Variants in SMARCAD1 observed in about 807,000 individuals in gnomAD.
SMARCAD1 encodes SWI/SNF-related matrix-associated actin-dependent regulator of chromatin subfamily A containing DEAD/H box 1.
Under a neutral mutation model 127.1 loss-of-function variants are expected in SMARCAD1, and 25 were observed. The ratio of observed to expected loss-of-function variants is 0.20; its 90% confidence interval spans 0.14 to 0.27. The LOEUF is 0.27. Ranked by LOEUF, SMARCAD1 falls within the 10% of genes least tolerant of loss-of-function variation. The pLI is 1.00. For missense variants in SMARCAD1, 807 were observed against 1,206.0 expected, an observed-to-expected ratio of 0.67 and a Z score of 4.90; for synonymous variants, 400 against 396.9, an observed-to-expected ratio of 1.01 and a Z score of -0.09.
chr4:94,248,579 A>G (rs1748815214), intron 6 of SMARCAD1: 2 of 455,308 alleles, frequency 4.4e-6, no homozygotes, highest in African/African-American at 2.0e-5. Context: ...CCCCTGCTCA[A>G]AATCCTGTTG....
intron 9 of SMARCAD1, among the ~76,000 whole-genome samples, chr4:94,259,074 G>A (rs764810625): frequency 6.6e-6 from 1 of 152,110 alleles, no homozygotes; most frequent in Non-Finnish European, 1.5e-5. Flanking sequence ...AAGACTAACT[G>A]TTTTAGCCTC....
At chr4:94,232,437 G>A (rs971816754) in intron 3 of SMARCAD1, among the ~76,000 whole-genome samples, 22 of 152,118 alleles carry the variant, frequency 1.4e-4, no homozygotes, top group Non-Finnish European at 2.2e-4. Context: ...TAAGAGGCAA[G>A]GTCAAGTAGG....
intron 10 of SMARCAD1, among the ~76,000 whole-genome samples, chr4:94,268,320 ACT>A (rs563113247): frequency 1.6e-3 from 237 of 151,798 alleles, no homozygotes; most frequent in Non-Finnish European, 2.4e-3. Context: ...AGTTAAATAG[ACT>A]CTTTTCCCAA....
Position 94,273,711 on chromosome 4 carries a change from C to G in SMARCAD1, c.1667C>G (p.Thr556Ser). The change falls in exon 12 of 24, where the codon ACT (threonine) becomes AGT (serine). Residue 556 changes from threonine to serine, a missense_variant. Physicochemically the swap from Thr to Ser is moderately conservative, Grantham distance 58. Coordinates refer to ENST00000354268, the MANE Select transcript of SMARCAD1 (RefSeq NM_020159.5). The part of the protein sequence containing the change: ...GPHLIVVPAS[T>S]IDNWLREVNL... Reference sequence around the variant, plus strand: ...CATTTGATCGTTGTTCCAGCTTCAACTATAGGTTTGTAATACTGGAGACAA... The same window carrying G: ...CATTTGATCGTTGTTCCAGCTTCAAGTATAGGTTTGTAATACTGGAGACAA... 6.2e-7 allele frequency: 1 copy of G among 1,611,728 alleles called. No homozygotes were observed. Among genetic ancestry groups the G allele is most frequent in the Non-Finnish European group, 8.5e-7 (1 of 1,178,038 alleles).
Position 94,236,932 on chromosome 4 carries a change from A to G in SMARCAD1, c.538-20A>G, listed in dbSNP as rs1746752716. On this transcript the variant is annotated intron_variant, in intron 4 of 23. Coordinates refer to ENST00000354268, the MANE Select transcript of SMARCAD1 (RefSeq NM_020159.5). The stretch of plus-strand genomic sequence containing the variant: ...CTTAAAGTGCTGATTTAAAACATTA[A>G]TCTTTTCTCGTTCTGTTAGTTGATT... 1 of 1,597,430 alleles carries G rather than the reference A, an allele frequency of 6.3e-7. No homozygotes were observed. The highest frequency in any genetic ancestry group is 8.6e-7 in the Non-Finnish European group (1 of 1,165,684).
At chr4:94,249,316 C>T (rs1206565791) in intron 6 of SMARCAD1, among the ~76,000 whole-genome samples, 1 of 151,804 alleles carries the variant, frequency 6.6e-6, no homozygotes, top group East Asian at 1.9e-4. Flanking sequence ...TAAAATTTAC[C>T]GTTGTCTTGG....
chr4:94,233,880 C>T, intron 3 of SMARCAD1, 74 bp from the exon 4 acceptor site: 3 of 1,407,932 alleles, frequency 2.1e-6, no homozygotes, highest in South Asian at 2.4e-5. Context: ...ACTATGTATA[C>T]ACATAGACAC....
intron 11 of SMARCAD1, among the ~76,000 whole-genome samples, chr4:94,271,684 A>C (rs1251352420): frequency 6.6e-6 from 1 of 152,216 alleles, no homozygotes; most frequent in Non-Finnish European, 1.5e-5. Flanking sequence ...GGATTTCAAA[A>C]TACTTACAGA....
At chr4:94,235,606 C>G (rs1018823378) in intron 4 of SMARCAD1, among the ~76,000 whole-genome samples, 1 of 147,494 alleles carries the variant, frequency 6.8e-6, no homozygotes, top group African/African-American at 2.5e-5. Flanking sequence ...TCTACATTTT[C>G]TCTGACAGCA....
chr4:94,277,909 A>G (rs962342202), intron 16 of SMARCAD1, among the ~76,000 whole-genome samples: 1 of 151,984 alleles, frequency 6.6e-6, no homozygotes, highest in African/African-American at 2.4e-5. Flanking sequence ...TATATGGAGG[A>G]CTCCTTCACA....
chr4:94,229,221 T>G (rs540639798), intron 3 of SMARCAD1, among the ~76,000 whole-genome samples: 1 of 152,306 alleles, frequency 6.6e-6, no homozygotes, highest in East Asian at 1.9e-4. Context: ...CAGCTTTCAC[T>G]CAGTAGTTGT....
At chr4:94,214,451 T>C (rs1467715373) in intron 2 of SMARCAD1, among the ~76,000 whole-genome samples, 2 of 151,512 alleles carry the variant, frequency 1.3e-5, no homozygotes, top group Admixed American at 6.6e-5. Flanking sequence ...GTATTTTTAG[T>C]AGAGACCCGG....
intron 23 of SMARCAD1, among the ~76,000 whole-genome samples, chr4:94,287,630 A>C (rs1755130300): frequency 1.3e-5 from 2 of 152,186 alleles, no homozygotes; most frequent in South Asian, 4.1e-4. Flanking sequence ...GATGGCACCT[A>C]ATAATACTTG....
At chr4:94,289,357 C>CA (rs1307161437) in intron 23 of SMARCAD1, 116 bp from the exon 24 acceptor site, 1 of 905,654 alleles carries the variant, frequency 1.1e-6, no homozygotes, top group Non-Finnish European at 1.8e-6. Context: ...GACACTGAAG[C>CA]AAACTAGCCC....
chr4:94,225,658 A>C (rs1276344662), intron 2 of SMARCAD1, among the ~76,000 whole-genome samples: 1 of 152,226 alleles, frequency 6.6e-6, no homozygotes, highest in Non-Finnish European at 1.5e-5. Flanking sequence ...TGTGCCAATT[A>C]CTGAACTAAA....
chr4:94,253,172 G>A (rs1749535225), intron 9 of SMARCAD1, 165 bp downstream of exon 9: 2 of 1,511,294 alleles, frequency 1.3e-6, no homozygotes, highest in Admixed American at 3.7e-5. Flanking sequence ...TTCAAATAGT[G>A]TCATATGACC....
intron 2 of SMARCAD1, among the ~76,000 whole-genome samples, chr4:94,219,418 G>T (rs1048705691): frequency 1.3e-5 from 2 of 152,106 alleles, no homozygotes; most frequent in African/African-American, 4.8e-5. Flanking sequence ...TCTCCTACTA[G>T]TGATTTTTTG....
chr4:94,229,353 C>T (rs956776678), intron 3 of SMARCAD1, among the ~76,000 whole-genome samples: 9 of 152,018 alleles, frequency 5.9e-5, no homozygotes, highest in African/African-American at 2.2e-4. Context: ...CTTTTTCTCC[C>T]CATTTGTGCT....
chr4:94,269,237 G>C (rs1398404932), intron 10 of SMARCAD1, among the ~76,000 whole-genome samples: 2 of 152,154 alleles, frequency 1.3e-5, no homozygotes, highest in Non-Finnish European at 2.9e-5. Flanking sequence ...CTTGATTTCA[G>C]AGTTTGATCC....
Sources: gnomAD v4.1 joint callset for allele counts (sites outside exome capture counted in the v4.1 genomes callset) on GRCh38, gnomAD v4.1.1 for gene constraint, MANE v1.5 for transcripts, NCBI Gene and HGNC (gene_info 2026-07-23, HGNC 2026-07-21) for gene names.